CCDC148: variants seen among roughly 807,000 people sequenced by gnomAD.
CCDC148 encodes the protein coiled-coil domain-containing protein 148.
Under a neutral mutation model 85.7 loss-of-function variants are expected in CCDC148, and 89 were observed. The observed-to-expected ratio is 1.04, with a 90% CI of 0.87 to 1.24. The LOEUF (loss-of-function observed/expected upper bound fraction) is 1.24, where lower values mean the gene tolerates loss of function less well. CCDC148 is among the 50% of genes most tolerant of loss of function. The pLI, the probability that CCDC148 is intolerant of heterozygous loss-of-function variation, is 0.00. For missense variants in CCDC148, 692 were observed against 671.7 expected (o/e 1.03, Z -0.33); for synonymous variants, 230 against 213.9 (o/e 1.08, Z -0.66).
At chr2:158,260,810 G>C (rs1180130713) in intron 9 of CCDC148, among the ~76,000 whole-genome samples, 1 of 151,926 alleles carries the variant, frequency 6.6e-6, no homozygotes, top group Non-Finnish European at 1.5e-5. Flanking sequence ...GCTAACCAGG[G>C]AAGTGAAAGA....
At chr2:158,427,205 C>T (rs1194394805) in intron 1 of CCDC148, among the ~76,000 whole-genome samples, 1 of 152,016 alleles carries the variant, frequency 6.6e-6, no homozygotes, top group Non-Finnish European at 1.5e-5. Context: ...AATGATAATG[C>T]ACATTAGGCA....
In CCDC148 at chr2:158,220,691, T is replaced by C; in HGVS notation, c.1274A>G (p.Lys425Arg). ...TTCCATTTCTTGCCACTTCTGTTTT[T>C]TCTTGGCCCAGTATTTTTTTATCTA... ...KKKIKKYWAK[K>R]KQKWQEMEMR... Residue 425 changes from lysine (K) to arginine (R), a missense_variant, in exon 11 of 14, where the codon AAA (lysine) becomes AGA (arginine). Transcript: ENST00000283233. 1 of 1,585,324 alleles carries C rather than the reference T, an allele frequency of 6.3e-7. No homozygotes were observed. Among genetic ancestry groups the C allele is most frequent in the Non-Finnish European group, 8.5e-7 (1 of 1,172,726 alleles).
chr2:158,366,005 G>C, intron 1 of CCDC148: 3 of 1,519,326 alleles, frequency 2.0e-6, no homozygotes, highest in Non-Finnish European at 2.7e-6. Flanking sequence ...TTGGAAGTAA[G>C]AAAAATACCT....
At position 158,359,467 on chromosome 2, in the gene CCDC148, T is replaced by G. The variant is rs557531016; in HGVS notation, c.26-897A>C. ...GCAGAAGGTGGGTGATTTCTGCATT[T>G]CCAACTGAGGTGCCTGGCTCATCTC... On this transcript the variant is annotated intron_variant, in intron 1 of 13. Coordinates refer to ENST00000283233, the MANE Select transcript of CCDC148 (RefSeq NM_138803.4). 4.3e-4 allele frequency among the ~76,000 whole-genome samples: 66 copies of G among 152,212 alleles called. 1 individual carries two copies. The highest frequency in any genetic ancestry group is 1.5e-3 in the African/African-American group (62 of 41,530).
intron 1 of CCDC148, among the ~76,000 whole-genome samples, chr2:158,371,992 C>G (rs1482508342): frequency 2.6e-5 from 4 of 151,896 alleles, no homozygotes; most frequent in African/African-American, 9.7e-5. Context: ...ATCTATACAT[C>G]TCATAGGCTT....
At chr2:158,242,143 A>C (rs1688376157) in intron 10 of CCDC148, among the ~76,000 whole-genome samples, 1 of 152,154 alleles carries the variant, frequency 6.6e-6, no homozygotes, top group Non-Finnish European at 1.5e-5. Flanking sequence ...CATTCTAGAG[A>C]CATTCTGTTA....
chr2:158,243,638 T>A (rs947910480), intron 10 of CCDC148, among the ~76,000 whole-genome samples: 3 of 152,142 alleles, frequency 2.0e-5, no homozygotes, highest in Admixed American at 1.3e-4. Flanking sequence ...GAAGGGTCTT[T>A]TATATAACTA....
At chr2:158,423,517 A>G (rs1373202065) in intron 1 of CCDC148, among the ~76,000 whole-genome samples, 1 of 152,232 alleles carries the variant, frequency 6.6e-6, no homozygotes, top group Admixed American at 6.5e-5. Context: ...AGCCATATGT[A>G]GAAAGCTGAA....
At chr2:158,237,421 T>G (rs1608035) in intron 10 of CCDC148, among the ~76,000 whole-genome samples, 45,457 of 151,954 alleles carry the variant, frequency 0.3, 8,388 homozygotes, top group East Asian at 0.59. Flanking sequence ...GGAGGGGACA[T>G]ATTAATTAGG....
intron 1 of CCDC148, among the ~76,000 whole-genome samples, chr2:158,378,383 T>A (rs1437217168): frequency 2.6e-5 from 4 of 152,048 alleles, no homozygotes; most frequent in Non-Finnish European, 5.9e-5. Flanking sequence ...GCTCATAAGG[T>A]TTAAGGAAGG....
In CCDC148 at chr2:158,217,336, G is replaced by GTGTATATATATA. The variant is rs59724353; in HGVS notation, c.1370+3258_1370+3259insTATATATATACA. Among the ~76,000 whole-genome samples, 693 of 137,672 alleles carry GTGTATATATATA rather than the reference G, an allele frequency of 5.0e-3. 3 individuals are homozygous for GTGTATATATATA. Among genetic ancestry groups the GTGTATATATATA allele is most frequent in the Middle Eastern group, 0.015 (4 of 266 alleles). 90.3% of individuals were successfully genotyped at this position (137,672 alleles called of 152,430 possible). On this transcript the variant is annotated intron_variant, in intron 11 of 13. Transcript: ENST00000283233. ...TATATATATATATATATAATTTTGT[G>GTGTATATATATA]TATATATATATATATATATAAAATT...
chr2:158,215,767 G>A (rs146925132), intron 11 of CCDC148, among the ~76,000 whole-genome samples: 2 of 152,098 alleles, frequency 1.3e-5, no homozygotes, highest in East Asian at 3.9e-4. Flanking sequence ...TAGACTGAAT[G>A]TGTCTGCTCA....
chr2:158,452,885 A>G (rs566815245), intron 1 of CCDC148, among the ~76,000 whole-genome samples: 95 of 152,328 alleles, frequency 6.2e-4, no homozygotes, highest in Non-Finnish European at 1.3e-3. Flanking sequence ...ACTGTTTTCC[A>G]AGAGACAGGA....
rs976881448 is a variant in CCDC148, at chr2:158,312,591, A to C, written c.903+1165T>G. Among the ~76,000 whole-genome samples, 213 of 151,046 alleles carry C rather than the reference A, an allele frequency of 1.4e-3. 5 individuals carry two copies. Among genetic ancestry groups the C allele is most frequent in the East Asian group, 1.9e-3 (10 of 5,170 alleles). On this transcript the variant is annotated intron_variant, in intron 8 of 13. Transcript: ENST00000283233. Reference sequence around the variant, plus strand: ...GAGAATCCATCTCAAAAAAAAAAAAAAAAAAACCAAAAAACAAAAAAGTAA... The same window carrying C: ...GAGAATCCATCTCAAAAAAAAAAAACAAAAAACCAAAAAACAAAAAAGTAA...
chr2:158,304,949 G>T (rs1691612191), intron 9 of CCDC148, among the ~76,000 whole-genome samples: 1 of 152,160 alleles, frequency 6.6e-6, no homozygotes, highest in East Asian at 1.9e-4. Context: ...ACTTCGCAGA[G>T]CATGAGACTA....
chr2:158,379,975 A>G (rs766243259), intron 1 of CCDC148, among the ~76,000 whole-genome samples: 2 of 152,040 alleles, frequency 1.3e-5, no homozygotes, highest in Non-Finnish European at 2.9e-5. Flanking sequence ...TGTGTTTGAG[A>G]TGGGGTCTCA....
At chr2:158,431,140 G>T (rs1687328845) in intron 1 of CCDC148, among the ~76,000 whole-genome samples, 1 of 151,598 alleles carries the variant, frequency 6.6e-6, no homozygotes, top group African/African-American at 2.4e-5. Context: ...GAAGAAAGGA[G>T]AGGGAATGAG....
chr2:158,401,397 G>C (rs969294524), intron 1 of CCDC148, among the ~76,000 whole-genome samples: 1 of 152,118 alleles, frequency 6.6e-6, no homozygotes, highest in Non-Finnish European at 1.5e-5. Flanking sequence ...CATGTCCTTT[G>C]CAGGGACATG....
intron 1 of CCDC148, among the ~76,000 whole-genome samples, chr2:158,433,829 T>C (rs1687497240): frequency 6.6e-6 from 1 of 152,236 alleles, no homozygotes; most frequent in Non-Finnish European, 1.5e-5. Context: ...GATTATATCC[T>C]GTGCCTGGCT....
Sources: gnomAD v4.1 joint callset for allele counts (sites outside exome capture counted in the v4.1 genomes callset) on GRCh38, gnomAD v4.1.1 for gene constraint, MANE v1.5 for transcripts, NCBI Gene and HGNC (gene_info 2026-07-23, HGNC 2026-07-21) for gene names.